FRMPD2: variants seen among roughly 807,000 people sequenced by gnomAD.
The protein encoded by FRMPD2 is FERM and PDZ domain containing 2.
FRMPD2 carries 96 observed loss-of-function variants against 140.1 expected under a neutral mutation model. That is an observed-to-expected ratio of 0.69 (90% CI 0.58 to 0.81). The LOEUF is 0.81. Ranked by LOEUF, FRMPD2 falls within the 40% of genes least tolerant of loss-of-function variation. The pLI, the probability that FRMPD2 is intolerant of heterozygous loss-of-function variation, is 0.00. For synonymous variants in FRMPD2, 449 were observed against 547.6 expected, an observed-to-expected ratio of 0.82 and a Z score of 2.52; for missense variants, 1,240 against 1,447.4, an observed-to-expected ratio of 0.86 and a Z score of 2.32.
At chr10:48,202,487 T>C (rs551227185) in intron 14 of FRMPD2, among the ~76,000 whole-genome samples, 2 of 152,372 alleles carry the variant, frequency 1.3e-5, no homozygotes, top group South Asian at 4.1e-4. Flanking sequence ...TCATTCTCTG[T>C]ATACTCTTTA....
At chr10:48,257,372 C>T (rs1426696776) in intron 1 of FRMPD2, among the ~76,000 whole-genome samples, 1 of 151,888 alleles carries the variant, frequency 6.6e-6, no homozygotes, top group Non-Finnish European at 1.5e-5. Context: ...CTCCACCTCC[C>T]AGGTTCAAGC....
chr10:48,249,251 G>T (rs1034469278), intron 2 of FRMPD2, 73 bp from the exon 3 acceptor site: 4 of 1,480,068 alleles, frequency 2.7e-6, no homozygotes, highest in Middle Eastern at 4.0e-4. Flanking sequence ...ACTGTGCCCA[G>T]CAGGTGCCTG....
At chr10:48,205,918 C>T (rs1839188507) in intron 14 of FRMPD2, among the ~76,000 whole-genome samples, 2 of 152,114 alleles carry the variant, frequency 1.3e-5, no homozygotes. Flanking sequence ...ACTCTAACAT[C>T]AGATAATGAT....
At chr10:48,168,080 C>T (rs1217260038) in intron 27 of FRMPD2, among the ~76,000 whole-genome samples, 3 of 147,752 alleles carry the variant, frequency 2.0e-5, no homozygotes, top group African/African-American at 5.4e-5. Context: ...CACACACACA[C>T]ACACACTCAT....
chr10:48,189,173 G>A (rs1838769179), intron 16 of FRMPD2, among the ~76,000 whole-genome samples: 1 of 152,190 alleles, frequency 6.6e-6, no homozygotes, highest in Non-Finnish European at 1.5e-5. Flanking sequence ...CAGCCTCAGA[G>A]CCAAGGATAT....
intron 10 of FRMPD2, among the ~76,000 whole-genome samples, chr10:48,228,765 G>A (rs895066177): frequency 6.6e-6 from 1 of 151,970 alleles, no homozygotes; most frequent in African/African-American, 2.4e-5. Flanking sequence ...AAGTTAAAAG[G>A]AAGATATGAG....
At chr10:48,189,487 T>C (rs1838777969) in intron 16 of FRMPD2, among the ~76,000 whole-genome samples, 2 of 152,206 alleles carry the variant, frequency 1.3e-5, no homozygotes, top group African/African-American at 2.4e-5. Flanking sequence ...TGCCTCCACA[T>C]GTCAGCCTTC....
chr10:48,256,139 C>G (rs1840482952), intron 1 of FRMPD2, among the ~76,000 whole-genome samples: 2 of 152,174 alleles, frequency 1.3e-5, no homozygotes. Flanking sequence ...CTGCAAACAC[C>G]TTAGCTTATC....
intron 17 of FRMPD2, among the ~76,000 whole-genome samples, chr10:48,186,626 T>C (rs1278108869): frequency 2.6e-5 from 4 of 152,214 alleles, no homozygotes; most frequent in Non-Finnish European, 5.9e-5. Flanking sequence ...TCCCCAGCCA[T>C]GTGGAACTGT....
intron 11 of FRMPD2, 34 bp from the exon 12 acceptor site, chr10:48,222,485 T>G: frequency 6.2e-7 from 1 of 1,610,432 alleles, no homozygotes; most frequent in Non-Finnish European, 8.5e-7. Flanking sequence ...AGGGCTGGGT[T>G]GCTAAGGGAA....
In FRMPD2 at chr10:48,211,996, G is replaced by C; in HGVS notation, c.1569C>G (p.Ser523Arg). The change falls in exon 13 of 29, where the codon AGC becomes AGG. Residue 523 changes from serine to arginine, a missense_variant. Coordinates refer to ENST00000374201, the MANE Select transcript of FRMPD2 (RefSeq NM_001018071.4). ...CAGCATCCTCTCCCCACAGTGCAGA[G>C]CTGAGCCGGTGCATCTCTGAGACTT... ...QVEVSEMHRL[S>R]SALWGEDAEL... The C allele has an allele frequency of 6.2e-7, 1 of 1,614,098 alleles. No homozygotes were observed.
At chr10:48,220,417 C>A (rs941300925) in intron 12 of FRMPD2, among the ~76,000 whole-genome samples, 2 of 152,200 alleles carry the variant, frequency 1.3e-5, no homozygotes, top group East Asian at 3.8e-4. Context: ...CCTCATCTCT[C>A]ACCTTATACA....
chr10:48,232,190 C>T lies in FRMPD2; in HGVS notation c.1093G>A (p.Gly365Arg). 6.2e-7 allele frequency: 1 copy of T among 1,614,170 alleles called. No homozygotes were observed. The highest frequency in any genetic ancestry group is 8.5e-7 in the Non-Finnish European group (1 of 1,180,014). The part of the protein sequence containing the change: ...EVKCDVESTV[G>R]AVFNAVTSFA... ...GATGTCACGGCATTGAAGACAGCTC[C>T]CACTGTTGATTCAACATCACATTTT... is the stretch of plus-strand genomic sequence containing the variant. The change falls in exon 10 of 29, where the codon GGA becomes AGA. Residue 365 changes from glycine (G) to arginine (R), a missense_variant. By Grantham distance (125) the Gly-to-Arg change is moderately radical. Around this residue, in one of 6 missense-constraint regions of FRMPD2, gnomAD observed 1,161 missense variants for 1,055.9 expected, o/e 1.10. Coordinates refer to ENST00000374201, the MANE Select transcript of FRMPD2 (RefSeq NM_001018071.4).
At chr10:48,240,224 AG>A in intron 6 of FRMPD2, 135 bp downstream of exon 6, 1 of 948,416 alleles carries the variant, frequency 1.1e-6, no homozygotes, top group Admixed American at 2.6e-5. Flanking sequence ...CCTTCTCTTC[AG>A]GGGCTTCCTG....
intron 1 of FRMPD2, among the ~76,000 whole-genome samples, chr10:48,266,518 G>C (rs1840680701): frequency 6.6e-6 from 1 of 152,202 alleles, no homozygotes; most frequent in African/African-American, 2.4e-5. Context: ...GGACAAAATA[G>C]AGTCAAAAAA....
intron 3 of FRMPD2, chr10:48,248,581 G>A (rs565695027): frequency 2.0e-5 from 3 of 152,496 alleles, no homozygotes; most frequent in African/African-American, 7.2e-5. Flanking sequence ...TATCACTAAC[G>A]TCAGCAATAC....
chr10:48,159,834 C>T (rs1333998066), intron 28 of FRMPD2, among the ~76,000 whole-genome samples: 1 of 151,686 alleles, frequency 6.6e-6, no homozygotes, highest in Non-Finnish European at 1.5e-5. Context: ...CAAAGACCAA[C>T]TTTCCAACCG....
At chr10:48,196,970 T>C (rs56036047) in intron 15 of FRMPD2, among the ~76,000 whole-genome samples, 30,340 of 152,148 alleles carry the variant, frequency 0.2, 3,589 homozygotes, top group Non-Finnish European at 0.26. Flanking sequence ...ATATCAATGG[T>C]GTTTCACACA....
intron 28 of FRMPD2, chr10:48,159,048 T>C: frequency 5.3e-6 from 2 of 380,036 alleles, no homozygotes; most frequent in East Asian, 1.5e-4. Context: ...TATGAAGGTA[T>C]TATAATTGTC....
Sources: allele counts gnomAD v4.1 joint callset (sites outside exome capture counted in the v4.1 genomes callset), GRCh38; gene constraint gnomAD v4.1.1; regional missense constraint gnomAD v4.1.1; transcripts MANE v1.5; gene names NCBI Gene and HGNC (gene_info 2026-07-23, HGNC 2026-07-21).